SEMA3A: variants seen among roughly 807,000 people sequenced by gnomAD.
The protein encoded by SEMA3A is semaphorin-3A.
Under a neutral mutation model 97.9 loss-of-function variants are expected in SEMA3A, and 29 were observed. That is an observed-to-expected ratio of 0.30 (90% CI 0.22 to 0.40). SEMA3A has a LOEUF of 0.40. SEMA3A is among the 10% of genes least tolerant of loss of function. The pLI, the probability that SEMA3A is intolerant of heterozygous loss-of-function variation, is 1.00. For synonymous variants in SEMA3A, 321 were observed against 323.7 expected, an observed-to-expected ratio of 0.99 and a Z score of 0.09; for missense variants, 763 against 951.3, an observed-to-expected ratio of 0.80 and a Z score of 2.60.
intron 3 of SEMA3A, among the ~76,000 whole-genome samples, chr7:84,226,162 G>A (rs1197614075): frequency 4.6e-5 from 7 of 151,940 alleles, no homozygotes; most frequent in Non-Finnish European, 1.0e-4. Flanking sequence ...CCAGGGGTGA[G>A]GAATCAGAAA....
At chr7:84,339,490 C>T (rs1432985441) in intron 2 of SEMA3A, among the ~76,000 whole-genome samples, 3 of 152,104 alleles carry the variant, frequency 2.0e-5, no homozygotes, top group South Asian at 2.1e-4. Flanking sequence ...ATATCAGGAA[C>T]GTGAGGGTTT....
intron 12 of SEMA3A, among the ~76,000 whole-genome samples, chr7:83,994,844 C>G (rs1790137931): frequency 6.6e-6 from 1 of 151,996 alleles, no homozygotes; most frequent in African/African-American, 2.4e-5. Context: ...TGGGCTCCAC[C>G]CAGTTGGAAC....
At chr7:84,123,700 ATATAT>A (rs1795701832) in intron 3 of SEMA3A, among the ~76,000 whole-genome samples, 1 of 148,666 alleles carries the variant, frequency 6.7e-6, no homozygotes, top group African/African-American at 2.4e-5. Context: ...TCAGATAAAC[ATATAT>A]TTTATATATA....
chr7:84,490,609 A>C (rs1199926170), intron 1 of SEMA3A, among the ~76,000 whole-genome samples: 1 of 152,144 alleles, frequency 6.6e-6, no homozygotes, highest in African/African-American at 2.4e-5. Context: ...TACTAAACCA[A>C]ATATACTGTT....
At chr7:84,277,184 C>T (rs1272297271) in intron 3 of SEMA3A, among the ~76,000 whole-genome samples, 1 of 151,994 alleles carries the variant, frequency 6.6e-6, no homozygotes, top group Non-Finnish European at 1.5e-5. Context: ...ATAACAAAGG[C>T]CTTTTAATCT....
At chr7:83,984,281 A>G (rs2116326565) in intron 13 of SEMA3A, among the ~76,000 whole-genome samples, 1 of 152,222 alleles carries the variant, frequency 6.6e-6, no homozygotes, top group African/African-American at 2.4e-5. Flanking sequence ...AACCTCTAAC[A>G]ATTTTCAGAT....
At chr7:84,111,945 C>A (rs1390967707) in intron 3 of SEMA3A, among the ~76,000 whole-genome samples, 1 of 152,060 alleles carries the variant, frequency 6.6e-6, no homozygotes, top group African/African-American at 2.4e-5. Flanking sequence ...ACTTAACTTC[C>A]ACTACTCTTA....
chr7:84,423,875 A>G (rs905601919), intron 1 of SEMA3A, among the ~76,000 whole-genome samples: 3 of 152,034 alleles, frequency 2.0e-5, no homozygotes, highest in Non-Finnish European at 4.4e-5. Context: ...ATGAAGATAT[A>G]CAAATATATT....
intron 4 of SEMA3A, among the ~76,000 whole-genome samples, chr7:84,097,433 A>C (rs1697775137): frequency 6.6e-6 from 1 of 152,102 alleles, no homozygotes; most frequent in South Asian, 2.1e-4. Flanking sequence ...GGGTATAAAA[A>C]TGCTGGTTTA....
chr7:84,150,648 C>A (rs1180040958), intron 1 of SEMA3A, among the ~76,000 whole-genome samples: 2 of 152,096 alleles, frequency 1.3e-5, no homozygotes, highest in African/African-American at 4.8e-5. Context: ...TGCAAGGCGG[C>A]AGTGAGGATG....
chr7:84,163,003 A>G (rs1797088784), intron 1 of SEMA3A, among the ~76,000 whole-genome samples: 1 of 152,178 alleles, frequency 6.6e-6, no homozygotes, highest in Admixed American at 6.5e-5. Context: ...AGAAAACACA[A>G]GTGATTAATC....
intron 4 of SEMA3A, among the ~76,000 whole-genome samples, chr7:84,088,282 C>T (rs1183330923): frequency 2.0e-5 from 3 of 151,916 alleles, no homozygotes; most frequent in African/African-American, 7.3e-5. Context: ...GGTGAAACCC[C>T]GTCTCTACTA....
chr7:84,132,669 T>G (rs12670574), intron 2 of SEMA3A, among the ~76,000 whole-genome samples: 2,944 of 79,266 alleles, frequency 0.037, 62 homozygotes, highest in African/African-American at 0.11. Context: ...GGTGTTTTTT[T>G]TTTTTTTTTT....
At position 84,100,406 on chromosome 7, in the gene SEMA3A, G is replaced by A. The variant is rs145930408; in HGVS notation, c.453+10064C>T. Among the ~76,000 whole-genome samples the A allele has an allele frequency of 4.5e-3, 684 of 152,082 alleles. 2 individuals are homozygous for A. The highest frequency in any genetic ancestry group is 0.016 in the African/African-American group (644 of 41,510). On this transcript the variant is annotated intron_variant, in intron 4 of 16. Coordinates refer to ENST00000265362, the MANE Select transcript of SEMA3A (RefSeq NM_006080.3). ...ACTACTGAATAGCATCTTTGCCTCA[G>A]GTCTATTACAAAACAATCATGAAAA... is the stretch of plus-strand genomic sequence containing the variant.
intron 4 of SEMA3A, among the ~76,000 whole-genome samples, chr7:84,068,388 C>A: frequency 1.4e-5 from 2 of 138,872 alleles, no homozygotes; most frequent in African/African-American, 2.7e-5. Flanking sequence ...CTAACCTGCA[C>A]ATTGTGCACA....
At chr7:84,387,907 G>A (rs1803440519) in intron 1 of SEMA3A, among the ~76,000 whole-genome samples, 2 of 152,028 alleles carry the variant, frequency 1.3e-5, no homozygotes, top group African/African-American at 4.8e-5. Context: ...GTTGCTCTTC[G>A]GGGCTTGCTA....
intron 1 of SEMA3A, among the ~76,000 whole-genome samples, chr7:84,444,342 T>A (rs6960804): frequency 0.11 from 17,007 of 152,212 alleles, 1,190 homozygotes; most frequent in East Asian, 0.28. Context: ...CAAAAAAATG[T>A]GTCACCCATT....
At chr7:84,294,340 A>G (rs749291593) in intron 3 of SEMA3A, among the ~76,000 whole-genome samples, 2 of 151,922 alleles carry the variant, frequency 1.3e-5, no homozygotes, top group Non-Finnish European at 2.9e-5. Context: ...CTATCTCATT[A>G]CCGCTGTAGT....
chr7:84,362,080 T>C (rs1399158564), intron 2 of SEMA3A, among the ~76,000 whole-genome samples: 6 of 151,912 alleles, frequency 3.9e-5, no homozygotes, highest in African/African-American at 1.2e-4. Context: ...GAAAACAATC[T>C]CTCTAAGATA....
Sources: allele counts gnomAD v4.1 joint callset (sites outside exome capture counted in the v4.1 genomes callset), GRCh38; gene constraint gnomAD v4.1.1; transcripts MANE v1.5; gene names NCBI Gene and HGNC (gene_info 2026-07-23, HGNC 2026-07-21).